ZFPM2: variants seen among roughly 807,000 people sequenced by gnomAD.
The protein encoded by ZFPM2 is zinc finger protein ZFPM2.
ZFPM2 carries 20 observed loss-of-function variants against 98.6 expected under a neutral mutation model. The observed-to-expected ratio is 0.20, with a 90% CI of 0.14 to 0.29. The LOEUF (loss-of-function observed/expected upper bound fraction) is 0.29, where lower values mean the gene tolerates loss of function less well. Among genes scored for constraint, ZFPM2 ranks in the 10% least tolerant of loss-of-function variants. The pLI is 1.00. For synonymous variants in ZFPM2, 518 were observed against 502.7 expected, an observed-to-expected ratio of 1.03 and a Z score of -0.41; for missense variants, 1,310 against 1,388.6, an observed-to-expected ratio of 0.94 and a Z score of 0.90.
At chr8:105,580,259 T>C (rs1815560544) in intron 4 of ZFPM2, among the ~76,000 whole-genome samples, 1 of 152,196 alleles carries the variant, frequency 6.6e-6, no homozygotes, top group Non-Finnish European at 1.5e-5. Flanking sequence ...ATATTGTATA[T>C]TGTTGTGTGA....
chr8:105,425,047 T>C (rs1811879347), intron 2 of ZFPM2, among the ~76,000 whole-genome samples: 1 of 152,030 alleles, frequency 6.6e-6, no homozygotes, highest in Non-Finnish European at 1.5e-5. Context: ...CTGAGTCAAG[T>C]CTGCAGTACC....
intron 1 of ZFPM2, among the ~76,000 whole-genome samples, chr8:105,324,866 G>A (rs1447850561): frequency 6.6e-6 from 1 of 151,776 alleles, no homozygotes; most frequent in African/African-American, 2.4e-5. Flanking sequence ...AAAGTTTTTT[G>A]ATGTTTGGCC....
At chr8:105,582,403 G>C (rs2130745281) in intron 4 of ZFPM2, among the ~76,000 whole-genome samples, 1 of 152,282 alleles carries the variant, frequency 6.6e-6, no homozygotes, top group African/African-American at 2.4e-5. Context: ...TGTGAGGGAA[G>C]GGGACTTAGC....
At chr8:105,445,496 A>G (rs1190799325) in intron 3 of ZFPM2, among the ~76,000 whole-genome samples, 1 of 152,120 alleles carries the variant, frequency 6.6e-6, no homozygotes, top group Non-Finnish European at 1.5e-5. Flanking sequence ...ATGTGGGGAA[A>G]GATTCCCTCG....
At chr8:105,652,681 GA>G (rs1159537368) in intron 5 of ZFPM2, among the ~76,000 whole-genome samples, 5 of 152,162 alleles carry the variant, frequency 3.3e-5, no homozygotes, top group Non-Finnish European at 1.5e-5. Flanking sequence ...AGTCTTTCAA[GA>G]AATGGACGTT....
chr8:105,355,160 T>G (rs1166132780), intron 1 of ZFPM2, among the ~76,000 whole-genome samples: 2 of 152,244 alleles, frequency 1.3e-5, no homozygotes, highest in African/African-American at 4.8e-5. Context: ...TTTCTCTGTA[T>G]TAACAGTTTG....
At chr8:105,344,709 A>G (rs1309990716) in intron 1 of ZFPM2, among the ~76,000 whole-genome samples, 1 of 152,058 alleles carries the variant, frequency 6.6e-6, no homozygotes, top group East Asian at 1.9e-4. Flanking sequence ...ATATATGTAT[A>G]TATAACATTT....
chr8:105,326,029 G>A (rs1437700943), intron 1 of ZFPM2, among the ~76,000 whole-genome samples: 1 of 151,536 alleles, frequency 6.6e-6, no homozygotes, highest in African/African-American at 2.4e-5. Context: ...TTTGCCTCAC[G>A]ATGAGTGTGA....
chr8:105,379,459 A>G (rs114685337), intron 1 of ZFPM2, among the ~76,000 whole-genome samples: 1,890 of 152,318 alleles, frequency 0.012, 27 homozygotes, highest in African/African-American at 0.043. Context: ...AATTTAATTA[A>G]AAGTTTACAT....
At chr8:105,450,481 G>A (rs759579472) in intron 3 of ZFPM2, among the ~76,000 whole-genome samples, 6 of 152,030 alleles carry the variant, frequency 3.9e-5, no homozygotes, top group Non-Finnish European at 5.9e-5. Context: ...TGTGAGAAGC[G>A]GAGGAAATCC....
chr8:105,541,443 T>C (rs916461035), intron 3 of ZFPM2, among the ~76,000 whole-genome samples: 1 of 152,148 alleles, frequency 6.6e-6, no homozygotes, highest in Non-Finnish European at 1.5e-5. Flanking sequence ...AAGTGAAATA[T>C]CATGAATATC....
chr8:105,342,490 A>T (rs994204675), intron 1 of ZFPM2, among the ~76,000 whole-genome samples: 3 of 152,068 alleles, frequency 2.0e-5, no homozygotes, highest in Non-Finnish European at 4.4e-5. Flanking sequence ...GGAATGTGTG[A>T]GACATTCGGA....
chr8:105,796,302 T>C (rs1472264115), intron 6 of ZFPM2, among the ~76,000 whole-genome samples: 3 of 118,694 alleles, frequency 2.5e-5, no homozygotes, highest in African/African-American at 1.5e-4. Flanking sequence ...TAGTGGAGAG[T>C]GTACTCTATT....
chr8:105,483,753 C>CT (rs551275094), intron 3 of ZFPM2, among the ~76,000 whole-genome samples: 6,036 of 141,738 alleles, frequency 0.043, 423 homozygotes, highest in African/African-American at 0.14. Flanking sequence ...TTTTTCTTTT[C>CT]TTTTTTTTTT....
At chr8:105,630,227 C>T (rs1212496673) in intron 4 of ZFPM2, among the ~76,000 whole-genome samples, 1 of 152,148 alleles carries the variant, frequency 6.6e-6, no homozygotes, top group East Asian at 1.9e-4. Context: ...TTTATGAATT[C>T]TTATGTTGGA....
chr8:105,639,305 C>T (rs1446005621), intron 5 of ZFPM2, among the ~76,000 whole-genome samples: 1 of 151,986 alleles, frequency 6.6e-6, no homozygotes, highest in African/African-American at 2.4e-5. Flanking sequence ...CCTTTAGCAT[C>T]TTTCATGTGG....
At chr8:105,677,270 T>C (rs1203996974) in intron 5 of ZFPM2, among the ~76,000 whole-genome samples, 4 of 151,966 alleles carry the variant, frequency 2.6e-5, no homozygotes, top group African/African-American at 9.7e-5. Flanking sequence ...CTGCTTACTA[T>C]GGACAAGATG....
chr8:105,370,998 T>C (rs1368006970), intron 1 of ZFPM2, among the ~76,000 whole-genome samples: 5 of 152,212 alleles, frequency 3.3e-5, no homozygotes, highest in Admixed American at 3.3e-4. Context: ...CTTTAAAATA[T>C]TGGGTGCTAC....
Position 105,541,100 on chromosome 8 carries a change from T to C in ZFPM2, c.302-20263T>C, listed in dbSNP as rs550988131. Among the ~76,000 whole-genome samples, 111 of 152,228 alleles carry C rather than the reference T, an allele frequency of 7.3e-4. 4 individuals are homozygous for C. In the South Asian group the frequency reaches 0.022, roughly 30 times the overall value. ...TGTCTCAAAATTAGGCAGCTGGTGCTTGTTTGTAAACCAAGGAAGGGAGGG... is the reference window on the plus strand; with the variant it reads ...TGTCTCAAAATTAGGCAGCTGGTGCCTGTTTGTAAACCAAGGAAGGGAGGG... On this transcript the variant is annotated intron_variant, in intron 3 of 7. Coordinates refer to ENST00000407775, the MANE Select transcript of ZFPM2 (RefSeq NM_012082.4).
Sources: allele counts gnomAD v4.1 joint callset (sites outside exome capture counted in the v4.1 genomes callset), GRCh38; gene constraint gnomAD v4.1.1; transcripts MANE v1.5; gene names NCBI Gene and HGNC (gene_info 2026-07-23, HGNC 2026-07-21).